Variants in RBFOX1 observed in about 807,000 individuals in gnomAD.
RBFOX1 encodes RNA binding fox-1 homolog 1.
A neutral mutation model predicts 57.7 loss-of-function variants in RBFOX1; 8 were observed. The observed-to-expected ratio is 0.14, with a 90% CI of 0.08 to 0.25. The LOEUF is 0.25. Among genes scored for constraint, RBFOX1 ranks in the 10% least tolerant of loss-of-function variants. The pLI is 1.00. For synonymous variants in RBFOX1, 326 were observed against 222.4 expected, an observed-to-expected ratio of 1.47 and a Z score of -4.15; for missense variants, 611 against 548.5, an observed-to-expected ratio of 1.11 and a Z score of -1.14.
intron 2 of RBFOX1, among the ~76,000 whole-genome samples, chr16:6,590,656 G>A (rs916524846): frequency 2.0e-5 from 3 of 152,142 alleles, no homozygotes; most frequent in Non-Finnish European, 4.4e-5. Context: ...CTTCATCCCT[G>A]CATTCAGAGG....
chr16:6,154,059 C>T (rs181020002), intron 1 of RBFOX1, among the ~76,000 whole-genome samples: 9 of 152,294 alleles, frequency 5.9e-5, no homozygotes, highest in Admixed American at 3.3e-4. Context: ...CTCATGGAAA[C>T]CTCCACTGGC....
rs2055045722 is a variant in RBFOX1 at position 5,801,266 on chromosome 16, A to G, written c.319-66037A>G. On this transcript the variant is annotated intron_variant, in intron 3 of 19. Coordinates refer to the RBFOX1 transcript ENST00000641259. ...TACTGAAATAAAATTAGGCTGATCT[A>G]TCTAATTTACATTAAGCACTTTCAA... Among the ~76,000 whole-genome samples, 4 of 152,090 alleles carry G rather than the reference A, an allele frequency of 2.6e-5. No individual in the cohort carries two copies. In the South Asian group the frequency reaches 8.3e-4, roughly 32 times the overall value.
At chr16:6,467,646 C>CT (rs1405483990) in intron 2 of RBFOX1, among the ~76,000 whole-genome samples, 1 of 152,076 alleles carries the variant, frequency 6.6e-6, no homozygotes, top group African/African-American at 2.4e-5. Flanking sequence ...AAATAGACAG[C>CT]TAATGTGCAT....
chr16:7,433,117 G>A (rs1042914570), intron 4 of RBFOX1, among the ~76,000 whole-genome samples: 2 of 152,184 alleles, frequency 1.3e-5, no homozygotes, highest in African/African-American at 4.8e-5. Flanking sequence ...TGTGCCCATT[G>A]AATTCCCCCA....
chr16:7,169,430 A>G (rs1207392908), intron 4 of RBFOX1, among the ~76,000 whole-genome samples: 2 of 152,188 alleles, frequency 1.3e-5, no homozygotes. Context: ...GTTTAACGGA[A>G]TCCCTGACCT....
At chr16:7,414,269 C>T (rs1291541235) in intron 4 of RBFOX1, among the ~76,000 whole-genome samples, 2 of 152,196 alleles carry the variant, frequency 1.3e-5, no homozygotes, top group East Asian at 1.9e-4. Context: ...AGATGATTGG[C>T]AGCCTGCCTT....
At chr16:5,722,480 C>T (rs988877064) in intron 3 of RBFOX1, among the ~76,000 whole-genome samples, 2 of 152,176 alleles carry the variant, frequency 1.3e-5, no homozygotes, top group Non-Finnish European at 2.9e-5. Context: ...TTAGACTCAG[C>T]GCGATCATCT....
chr16:5,750,896 C>G (rs2053174342), intron 3 of RBFOX1, among the ~76,000 whole-genome samples: 1 of 152,242 alleles, frequency 6.6e-6, no homozygotes. Flanking sequence ...TGACAAGCCC[C>G]AGTGAGATGA....
intron 3 of RBFOX1, among the ~76,000 whole-genome samples, chr16:5,780,052 G>A (rs2054277191): frequency 6.6e-6 from 1 of 152,224 alleles, no homozygotes; most frequent in Non-Finnish European, 1.5e-5. Context: ...CGCCCCGGCT[G>A]GAGTGTAGTG....
chr16:7,076,143 G>C lies in RBFOX1; in HGVS notation c.27+24045G>C, dbSNP rs542096492. ...TGCAACCTCTGCCTCCCGGGTTCAA[G>C]TGATTCCCCTGCCTCAGCCTCTCGA... On this transcript the variant is annotated intron_variant, in intron 4 of 15. Coordinates refer to ENST00000550418, the MANE Select transcript of RBFOX1 (RefSeq NM_018723.4). Among the ~76,000 whole-genome samples, 7 of 151,296 alleles carry C rather than the reference G, an allele frequency of 4.6e-5. No individual in the cohort carries two copies. In the South Asian group the frequency reaches 1.5e-3, roughly 32 times the overall value.
intron 3 of RBFOX1, among the ~76,000 whole-genome samples, chr16:6,929,342 G>C (rs2076140368): frequency 6.6e-6 from 1 of 152,116 alleles, no homozygotes; most frequent in South Asian, 2.1e-4. Flanking sequence ...TTCATAATGT[G>C]AATATAGGCA....
chr16:6,317,099 C>G, intron 2 of RBFOX1, 42 bp downstream of exon 2: 1 of 1,473,356 alleles, frequency 6.8e-7, no homozygotes, highest in Non-Finnish European at 9.2e-7. Flanking sequence ...ATAAATACAT[C>G]CATGTCTTTG....
At chr16:5,539,498 G>A (rs78172912) in intron 2 of RBFOX1, among the ~76,000 whole-genome samples, 17,686 of 152,026 alleles carry the variant, frequency 0.12, 1,365 homozygotes, top group South Asian at 0.31. Flanking sequence ...CCAGCTACTC[G>A]GGAGGCTGAG....
chr16:7,141,776 G>C lies in RBFOX1; in HGVS notation c.27+89678G>C, dbSNP rs796404869. On this transcript the variant is annotated intron_variant, in intron 4 of 15. Transcript: ENST00000550418. ...CCATCTTTCCTACTCTGTCCCTGCT[G>C]TCACCAGCCTGGTCACGGTCCATCA... is the stretch of plus-strand genomic sequence containing the variant. 5.9e-5 allele frequency among the ~76,000 whole-genome samples: 9 copies of C among 152,138 alleles called. No homozygotes were observed. The South Asian group carries it at 1.2e-3, about 21-fold the overall frequency.
In RBFOX1 at chr16:7,599,638, C is replaced by CTTTTTTTT. The variant is rs542898195; in HGVS notation, c.622+2212_622+2219dup. On this transcript the variant is annotated intron_variant, in intron 9 of 15. Transcript: ENST00000550418. Reference sequence around the variant, plus strand: ...GAGAAGATGAAGAAATTAATAAAGACTTTTTTTTTTTTCTTTTTTTTTTTT... The same window carrying CTTTTTTTT: ...GAGAAGATGAAGAAATTAATAAAGACTTTTTTTTTTTTTTTTTTTTCTTTTTTTTTTTT... Among the ~76,000 whole-genome samples, 212 of 62,776 alleles carry CTTTTTTTT rather than the reference C, an allele frequency of 3.4e-3. 56 individuals carry two copies. The highest frequency in any genetic ancestry group is 7.4e-3 in the African/African-American group (150 of 20,324). The allele number at this position is 62,776 out of a possible 152,430, so 41.2% of individuals were successfully genotyped here. A position where few individuals can be genotyped will look rare whatever the true frequency, so the allele number is the denominator to read the frequency against.
chr16:6,666,149 T>C (rs1437595370), intron 3 of RBFOX1, among the ~76,000 whole-genome samples: 1 of 152,108 alleles, frequency 6.6e-6, no homozygotes, highest in Non-Finnish European at 1.5e-5. Flanking sequence ...GAACTGTGAG[T>C]CTATTAAACC....
chr16:7,518,426 G>T (rs1405754799), intron 5 of RBFOX1, 37 bp downstream of exon 5: 1 of 1,576,032 alleles, frequency 6.3e-7, no homozygotes, highest in Middle Eastern at 1.7e-4. Context: ...GGAGGTTATG[G>T]GGAGGCGCCC....
chr16:7,278,126 G>A (rs1314117161), intron 4 of RBFOX1, among the ~76,000 whole-genome samples: 5 of 151,818 alleles, frequency 3.3e-5, no homozygotes, highest in African/African-American at 1.2e-4. Context: ...GCTCCGCTTG[G>A]TTTCCAAAAT....
At chr16:5,248,616 C>G (rs757755257) in intron 1 of RBFOX1, among the ~76,000 whole-genome samples, 2 of 152,060 alleles carry the variant, frequency 1.3e-5, no homozygotes, top group Non-Finnish European at 2.9e-5. Flanking sequence ...GGGGGGTGGT[C>G]TGAGAGTGCA....
Sources: allele counts gnomAD v4.1 joint callset (sites outside exome capture counted in the v4.1 genomes callset), GRCh38; gene constraint gnomAD v4.1.1; transcripts MANE v1.5; gene names NCBI Gene and HGNC (gene_info 2026-07-23, HGNC 2026-07-21).